FMNL2: variants seen among roughly 807,000 people sequenced by gnomAD.
The protein encoded by FMNL2 is formin like 2.
A neutral mutation model predicts 130.2 loss-of-function variants in FMNL2; 51 were observed. That is an observed-to-expected ratio of 0.39 (90% CI 0.31 to 0.49). The LOEUF is 0.49. FMNL2 is among the 20% of genes least tolerant of loss of function. The probability of loss-of-function intolerance (pLI) is 0.85; values close to 1 mark genes in which losing one functional copy is unlikely to be tolerated. For synonymous variants in FMNL2, 465 were observed against 467.1 expected (o/e 1.00, Z 0.06); for missense variants, 977 against 1,316.2 (o/e 0.74, Z 3.99).
At chr2:152,419,818 C>G (rs1271462316) in intron 1 of FMNL2, among the ~76,000 whole-genome samples, 1 of 151,944 alleles carries the variant, frequency 6.6e-6, no homozygotes, top group Non-Finnish European at 1.5e-5. Flanking sequence ...TCTGGGGGAG[C>G]TTTATCAGGG....
chr2:152,558,849 T>C (rs1180629658), intron 5 of FMNL2, 26 bp downstream of exon 5: 1 of 1,604,302 alleles, frequency 6.2e-7, no homozygotes, highest in East Asian at 2.2e-5. Context: ...CTTGCTTGCA[T>C]TTGAATTTTA....
intron 1 of FMNL2, among the ~76,000 whole-genome samples, chr2:152,497,276 A>G (rs1299527086): frequency 1.3e-5 from 2 of 152,212 alleles, no homozygotes; most frequent in East Asian, 1.9e-4. Context: ...CACATACCCC[A>G]CGAGAAATTT....
intron 1 of FMNL2, among the ~76,000 whole-genome samples, chr2:152,440,110 G>C (rs1687978248): frequency 6.6e-6 from 1 of 151,948 alleles, no homozygotes; most frequent in Non-Finnish European, 1.5e-5. Context: ...GGGCTTTACT[G>C]CATGTTTATT....
At chr2:152,382,493 G>A (rs184541473) in intron 1 of FMNL2, among the ~76,000 whole-genome samples, 82 of 152,264 alleles carry the variant, frequency 5.4e-4, no homozygotes, top group African/African-American at 1.9e-3. Context: ...AAGAAGGGCT[G>A]AGAGAGGGTC....
chr2:152,611,521 T>C lies in FMNL2; in HGVS notation c.978T>C (p.Ile326=), dbSNP rs1698681204. The C allele has an allele frequency of 1.3e-6, 2 of 1,595,450 alleles. No homozygotes were observed. Among genetic ancestry groups the C allele is most frequent in the Non-Finnish European group, 1.7e-6 (2 of 1,169,534 alleles). The stretch of plus-strand genomic sequence containing the variant: ...TGGCTTCTATGCAGTTTATTAATAT[T>C]GTAGTCCATTCAGTAGAAGATATGA... The part of the protein sequence containing the change: ...FMVASMQFIN[I]VVHSVEDMNF... The change falls in exon 11 of 26, where the codon ATT becomes ATC. Residue 326 remains isoleucine (I), a synonymous_variant. Transcript: ENST00000288670.
At chr2:152,359,839 A>G (rs749532037) in intron 1 of FMNL2, among the ~76,000 whole-genome samples, 2 of 152,152 alleles carry the variant, frequency 1.3e-5, no homozygotes, top group Admixed American at 6.5e-5. Flanking sequence ...TTACTGTGCG[A>G]TGTTTCATGT....
intron 1 of FMNL2, among the ~76,000 whole-genome samples, chr2:152,350,746 A>T (rs1199426800): frequency 6.6e-6 from 1 of 152,170 alleles, no homozygotes; most frequent in Non-Finnish European, 1.5e-5. Context: ...AGGGGCATAC[A>T]AGAATTTTAC....
chr2:152,442,485 G>A (rs867535146), intron 1 of FMNL2, among the ~76,000 whole-genome samples: 7 of 152,098 alleles, frequency 4.6e-5, no homozygotes, highest in Middle Eastern at 6.8e-3. Flanking sequence ...CTGACCTCAG[G>A]TAATCCACCC....
intron 1 of FMNL2, among the ~76,000 whole-genome samples, chr2:152,356,611 G>C (rs1199922574): frequency 1.3e-5 from 2 of 152,190 alleles, no homozygotes; most frequent in East Asian, 1.9e-4. Context: ...TGAAAAATTT[G>C]TCACCAGATG....
chr2:152,381,290 C>T lies in FMNL2; in HGVS notation c.117+45570C>T, dbSNP rs1039214282. Among the ~76,000 whole-genome samples the T allele has an allele frequency of 4.6e-5, 7 of 152,180 alleles. 1 individual carries two copies. The highest frequency in any genetic ancestry group is 6.5e-5 in the Admixed American group (1 of 15,278). ...GAGAGCAAAAGACTTTTGAAAATTT[C>T]TGCCATGGCATATTTCATACGTTTC... is the stretch of plus-strand genomic sequence containing the variant. On this transcript the variant is annotated intron_variant, in intron 1 of 25. Coordinates refer to ENST00000288670, the MANE Select transcript of FMNL2 (RefSeq NM_052905.4).
chr2:152,631,156 C>T (rs1199725376), intron 20 of FMNL2, among the ~76,000 whole-genome samples: 1 of 152,042 alleles, frequency 6.6e-6, no homozygotes, highest in East Asian at 1.9e-4. Flanking sequence ...GAGGCTGAGG[C>T]GGGAGGATCA....
At chr2:152,462,589 A>G (rs575980347) in intron 1 of FMNL2, among the ~76,000 whole-genome samples, 1 of 152,346 alleles carries the variant, frequency 6.6e-6, no homozygotes, top group Admixed American at 6.5e-5. Flanking sequence ...TATTATATGT[A>G]AGTTTGCTAG....
intron 1 of FMNL2, among the ~76,000 whole-genome samples, chr2:152,514,146 C>T (rs1692631487): frequency 6.6e-6 from 1 of 152,110 alleles, no homozygotes; most frequent in Non-Finnish European, 1.5e-5. Flanking sequence ...GTACATTACT[C>T]AGTTCCAAGT....
intron 1 of FMNL2, among the ~76,000 whole-genome samples, chr2:152,514,645 C>T (rs924331210): frequency 6.6e-6 from 1 of 152,124 alleles, no homozygotes; most frequent in African/African-American, 2.4e-5. Context: ...CATATACATA[C>T]CTATGATAAA....
intron 10 of FMNL2, chr2:152,607,627 T>C (rs1380044455): frequency 2.3e-6 from 1 of 437,118 alleles, no homozygotes; most frequent in African/African-American, 2.0e-5. Context: ...CACGGTATAG[T>C]AAAGACAAAA....
intron 9 of FMNL2, among the ~76,000 whole-genome samples, chr2:152,604,856 A>G (rs1580076354): frequency 1.4e-5 from 2 of 147,266 alleles, no homozygotes; most frequent in East Asian, 4.5e-4. Flanking sequence ...TCGTCCTCCC[A>G]AAGTGCTGGG....
At chr2:152,593,069 G>C (rs1029730310) in intron 9 of FMNL2, among the ~76,000 whole-genome samples, 2 of 152,172 alleles carry the variant, frequency 1.3e-5, no homozygotes, top group Non-Finnish European at 1.5e-5. Context: ...TGGGAGCAGA[G>C]AGATTGGCAT....
intron 1 of FMNL2, among the ~76,000 whole-genome samples, chr2:152,477,670 A>G (rs566427975): frequency 6.6e-6 from 1 of 152,300 alleles, no homozygotes; most frequent in East Asian, 1.9e-4. Flanking sequence ...TGAGGTTCTT[A>G]TATAATTTTA....
intron 1 of FMNL2, chr2:152,390,062 C>G: frequency 6.3e-7 from 1 of 1,578,118 alleles, no homozygotes; most frequent in African/African-American, 1.3e-5. Context: ...GCAGCCTTGA[C>G]TCCCCAGGAA....
Sources: allele counts gnomAD v4.1 joint callset (sites outside exome capture counted in the v4.1 genomes callset), GRCh38; gene constraint gnomAD v4.1.1; transcripts MANE v1.5; gene names NCBI Gene and HGNC (gene_info 2026-07-23, HGNC 2026-07-21).